The following TIMM22 variants were observed in gnomAD, a reference collection of about 807,000 sequenced individuals.
TIMM22 encodes translocase of inner mitochondrial membrane 22.
Under a neutral mutation model 18.3 loss-of-function variants are expected in TIMM22, and 12 were observed. That is an observed-to-expected ratio of 0.65 (90% confidence interval 0.42 to 1.06). TIMM22 has a LOEUF of 1.06. Ranked by LOEUF, TIMM22 falls within the 50% of genes least tolerant of loss-of-function variation. The pLI is 0.00. For synonymous variants in TIMM22, 107 were observed against 98.5 expected (o/e 1.09, Z -0.51); for missense variants, 278 against 252.8 (o/e 1.10, Z -0.68).
At position 1,001,085 on chromosome 17, in the gene TIMM22, G is replaced by C. The variant is rs536421544; in HGVS notation, c.582G>C (p.Arg194=). ...CTGCTGCGATTGATTATTACCTCCG[G>C]TGAGAGTAATTGCCTGCAGGGAAGG... The part of the protein sequence containing the change: ...AFSAAIDYYL[R] The change falls in exon 4 of 4, where the codon CGG becomes CGC. Residue 194 remains arginine, a synonymous_variant. Coordinates refer to ENST00000327158, the MANE Select transcript of TIMM22 (RefSeq NM_013337.4). 7 of 1,613,726 alleles carry C rather than the reference G, an allele frequency of 4.3e-6. No individual in the cohort carries two copies. The African/African-American group carries it at 9.3e-5, about 22-fold the overall frequency.
rs1170325261 is a variant in TIMM22, at chr17:1,003,583, A to G, written c.*2495A>G. ...AACATTTTCCTCTCACGTGGTTTAC[A>G]TCAATTTATAATAATCTACATAAGT... On this transcript the variant is annotated 3_prime_UTR_variant, in exon 4 of 4. Coordinates refer to ENST00000327158, the MANE Select transcript of TIMM22 (RefSeq NM_013337.4). 6.6e-6 allele frequency: 1 copy of G among 152,660 alleles called. No individual in the cohort carries two copies. The highest frequency in any genetic ancestry group is 2.4e-5 in the African/African-American group (1 of 41,472). The allele number at this position is 152,660 out of a possible 1,614,324, so 9.5% of individuals were successfully genotyped here. A position where few individuals can be genotyped will look rare whatever the true frequency, so the allele number is the denominator to read the frequency against.
chr17:999,323 CTATA>C (rs57081954), intron 2 of TIMM22, among the ~76,000 whole-genome samples, 185 bp from the exon 3 acceptor site: 53,790 of 120,342 alleles, frequency 0.45, 12,762 homozygotes, highest in Admixed American at 0.53. Context: ...TGAACGCATA[CTATA>C]TATATATATA....
chr17:998,860 G>T lies in TIMM22; in HGVS notation c.320G>T (p.Arg107Leu). The change falls in exon 2 of 4, where the codon CGT (arginine) becomes CTT (leucine). Residue 107 changes from arginine to leucine, a missense_variant. Physicochemically the swap from Arg to Leu is moderately radical, Grantham distance 102 (BLOSUM62 -2). Transcript: ENST00000327158. ...NVGFDPKDPY[R>L]TPTAKEVLKD... ...GGCTTTGACCCTAAGGATCCTTACC[G>T]TACACCGACTGCAAAAGAAGTGCTG... 6.2e-7 allele frequency: 1 copy of T among 1,614,098 alleles called. No homozygotes were observed. The highest frequency in any genetic ancestry group is 8.5e-7 in the Non-Finnish European group (1 of 1,180,022).
At chr17:1,000,066 A>ATTTTTTTTTTT (rs79776948) in intron 3 of TIMM22, among the ~76,000 whole-genome samples, 1 of 150,440 alleles carries the variant, frequency 6.6e-6, no homozygotes, top group East Asian at 2.0e-4. Context: ...TGCTCAGCTA[A>ATTTTTTTTTTT]TTTTTATTTT....
At chr17:999,444 T>C (rs2150665374) in intron 2 of TIMM22, 68 bp from the exon 3 acceptor site, 3 of 1,536,978 alleles carry the variant, frequency 2.0e-6, no homozygotes, top group South Asian at 2.3e-5. Context: ...AGCAACCCTG[T>C]GTATTCCTCC....
chr17:997,508 G>C (rs1476125329), intron 1 of TIMM22, 128 bp downstream of exon 1: 10 of 907,140 alleles, frequency 1.1e-5, no homozygotes, highest in Non-Finnish European at 1.6e-5. Context: ...CCCTCGCCTC[G>C]TTCGTGAATC....
At position 1,001,689 on chromosome 17, in the gene TIMM22, G is replaced by T. The variant is rs1028837165; in HGVS notation, c.*601G>T. Reference sequence around the variant, plus strand: ...AATTCCCTATTCCAAAAATAGTGCCGGGTGGCCCAAAGATAACATCTGAAG... The same window carrying T: ...AATTCCCTATTCCAAAAATAGTGCCTGGTGGCCCAAAGATAACATCTGAAG... On this transcript the variant is annotated 3_prime_UTR_variant, in exon 4 of 4. Transcript: ENST00000327158. 6.5e-6 allele frequency: 1 copy of T among 152,814 alleles called. No homozygotes were observed. The highest frequency in any genetic ancestry group is 1.9e-4 in the East Asian group (1 of 5,206). 9.5% of individuals were successfully genotyped at this position (152,814 alleles called of 1,614,324 possible).
At position 1,001,744 on chromosome 17, in the gene TIMM22, G is replaced by C. The variant is rs987077732; in HGVS notation, c.*656G>C. On this transcript the variant is annotated 3_prime_UTR_variant, in exon 4 of 4. Transcript: ENST00000327158. ...AGAATGAGAAAGCTCCCAGGGAAGC[G>C]GGGGATGGGGCGCTGAGGCAGGGTT... The C allele has an allele frequency of 1.3e-5, 2 of 152,502 alleles. No homozygotes were observed. The highest frequency in any genetic ancestry group is 2.1e-4 in the South Asian group (1 of 4,842). The allele number at this position is 152,502 out of a possible 1,614,324, so 9.4% of individuals were successfully genotyped here. A position where few individuals can be genotyped will look rare whatever the true frequency, so the allele number is the denominator to read the frequency against.
rs2069747392 is a variant in TIMM22 at position 1,001,588 on chromosome 17, T to A, written c.*500T>A. On this transcript the variant is annotated 3_prime_UTR_variant, in exon 4 of 4. Transcript: ENST00000327158. ...GTGTTCTGTCATCCTTGTTTTTTTT[T>A]TAAAAATACACTCCCCTCCCCCACC... 6.5e-6 allele frequency: 1 copy of A among 154,626 alleles called. No individual in the cohort carries two copies. Among genetic ancestry groups the A allele is most frequent in the Non-Finnish European group, 1.4e-5 (1 of 69,574 alleles). 9.6% of individuals were successfully genotyped at this position (154,626 alleles called of 1,614,324 possible).
At chr17:998,718 T>G (rs2069709824) in intron 1 of TIMM22, 61 bp from the exon 2 acceptor site, 3 of 1,552,072 alleles carry the variant, frequency 1.9e-6, no homozygotes, top group Non-Finnish European at 2.6e-6. Context: ...TCCAGGATGA[T>G]CCCAATAGAG....
At chr17:999,163 G>C (rs2069714787) in intron 2 of TIMM22, among the ~76,000 whole-genome samples, 188 bp downstream of exon 2, 1 of 151,702 alleles carries the variant, frequency 6.6e-6, no homozygotes, top group South Asian at 2.1e-4. Context: ...TTACAGTATG[G>C]GCTTGCATTA....
Position 1,002,411 on chromosome 17 carries a change from A to C in TIMM22, c.*1323A>C. 6.6e-6 allele frequency: 1 copy of C among 151,586 alleles called. No individual in the cohort carries two copies. The highest frequency in any genetic ancestry group is 2.4e-5 in the African/African-American group (1 of 41,184). The allele number at this position is 151,586 out of a possible 1,614,324, so 9.4% of individuals were successfully genotyped here. ...ATCTGCCCTGTCTTCTGGCCCACAC[A>C]CTCTTAACCAGCGTTCACACTCAGT... On this transcript the variant is annotated 3_prime_UTR_variant, in exon 4 of 4. Coordinates refer to ENST00000327158, the MANE Select transcript of TIMM22 (RefSeq NM_013337.4).
At chr17:998,311 T>C (rs2069705533) in intron 1 of TIMM22, among the ~76,000 whole-genome samples, 1 of 152,032 alleles carries the variant, frequency 6.6e-6, no homozygotes, top group Non-Finnish European at 1.5e-5. Flanking sequence ...TTGGGAGAAG[T>C]TGCTTAACCT....
At position 997,380 on chromosome 17, in the gene TIMM22, G is replaced by T; in HGVS notation, c.238G>T (p.Gly80Ter). Residue 80 changes from glycine (G) to a stop codon, truncating the protein, a stop_gained and splice_region_variant, in exon 1 of 4, where the codon GGA (glycine) becomes TGA (stop). Coordinates refer to ENST00000327158, the MANE Select transcript of TIMM22 (RefSeq NM_013337.4). LOFTEE classifies it high-confidence loss of function. ...AFKAALACVGGFVLGGAFGVF... is the reference protein window; with the variant it reads ...AFKAALACVG ...CAAGGCTGCGCTGGCCTGCGTGGGA[G>T]GTGAGGCCGGGCGATGGGACCCTTG... is the stretch of plus-strand genomic sequence containing the variant. 1 of 1,611,826 alleles carries T rather than the reference G, an allele frequency of 6.2e-7. No homozygotes were observed.
At chr17:997,777 T>A (rs1225246674) in intron 1 of TIMM22, among the ~76,000 whole-genome samples, 5 of 152,018 alleles carry the variant, frequency 3.3e-5, no homozygotes, top group Admixed American at 6.6e-5. Context: ...GTGCCACTGC[T>A]CTCCAGCCTG....
intron 1 of TIMM22, among the ~76,000 whole-genome samples, 174 bp downstream of exon 1, chr17:997,554 C>A (rs928595311): frequency 1.2e-4 from 19 of 152,216 alleles, no homozygotes; most frequent in African/African-American, 4.3e-4. Context: ...GGCCGGCTTT[C>A]CTGATGAAAA....
At chr17:997,825 A>G (rs1218165914) in intron 1 of TIMM22, among the ~76,000 whole-genome samples, 1 of 152,206 alleles carries the variant, frequency 6.6e-6, no homozygotes, top group Admixed American at 6.5e-5. Flanking sequence ...AACAACAACA[A>G]AAAGTTATTA....
chr17:999,072 C>T, intron 2 of TIMM22, 97 bp downstream of exon 2: 3 of 1,331,980 alleles, frequency 2.3e-6, no homozygotes, highest in Non-Finnish European at 2.0e-6. Context: ...AAAGTTGTTA[C>T]TAGAAAGCAA....
intron 3 of TIMM22, 125 bp downstream of exon 3, chr17:999,709 T>G (rs2069724248): frequency 4.0e-6 from 4 of 988,112 alleles, no homozygotes; most frequent in African/African-American, 3.2e-5. Context: ...ATAAATCATG[T>G]TTGTTTCTGT....
Sources: allele counts gnomAD v4.1 joint callset (sites outside exome capture counted in the v4.1 genomes callset), GRCh38; gene constraint gnomAD v4.1.1; transcripts MANE v1.5; gene names NCBI Gene and HGNC (gene_info 2026-07-23, HGNC 2026-07-21).